SORL1: variants seen among roughly 807,000 people sequenced by gnomAD.
The protein encoded by SORL1 is sortilin related receptor 1.
A neutral mutation model predicts 273.7 loss-of-function variants in SORL1; 127 were observed. The observed-to-expected ratio is 0.46, with a 90% CI of 0.40 to 0.54. The LOEUF (loss-of-function observed/expected upper bound fraction) is 0.54. Among genes scored for constraint, SORL1 ranks in the 20% least tolerant of loss-of-function variants. The pLI, the probability that SORL1 is intolerant of heterozygous loss-of-function variation, is 0.00. For synonymous variants in SORL1, 1,031 were observed against 1,067.4 expected, an observed-to-expected ratio of 0.97 and a Z score of 0.66; for missense variants, 2,494 against 2,846.1, an observed-to-expected ratio of 0.88 and a Z score of 2.81.
chr11:121,566,243 C>T (rs1464878520), intron 21 of SORL1, among the ~76,000 whole-genome samples: 1 of 151,354 alleles, frequency 6.6e-6, no homozygotes, highest in Non-Finnish European at 1.5e-5. Context: ...GGCCTCTTCT[C>T]TCTGTAAGCC....
At chr11:121,555,871 TTGTC>T (rs3837400) in intron 18 of SORL1, among the ~76,000 whole-genome samples, 4,537 of 152,236 alleles carry the variant, frequency 0.03, 93 homozygotes, top group East Asian at 0.08. Flanking sequence ...TGCCAAATCT[TTGTC>T]TGGGGGAATG....
intron 31 of SORL1, among the ~76,000 whole-genome samples, chr11:121,592,874 A>G (rs1863236884): frequency 6.6e-6 from 1 of 152,266 alleles, no homozygotes; most frequent in African/African-American, 2.4e-5. Flanking sequence ...CCAGGACATT[A>G]ATAGACTCTA....
At position 121,586,240 on chromosome 11, in the gene SORL1, T is replaced by G; in HGVS notation, c.3725T>G (p.Phe1242Cys). Residue 1242 changes from phenylalanine (F) to cysteine (C), a missense_variant, in exon 27 of 48, where the codon TTC becomes TGC. By Grantham distance (205) the Phe-to-Cys change is radical. Around this residue, in one of 3 missense-constraint regions of SORL1, gnomAD observed 1,609 missense variants for 1,816.4 expected, o/e 0.89. Coordinates refer to ENST00000260197, the MANE Select transcript of SORL1 (RefSeq NM_003105.6). The part of the protein sequence containing the change: ...PVNCEKKCNG[F>C]RCPNGTCIPS... ...ATTTCAGAGAAGAAGTGCAATGGAT[T>G]CCGCTGCCCAAACGGCACTTGCATC... is the stretch of plus-strand genomic sequence containing the variant. The G allele has an allele frequency of 6.2e-7, 1 of 1,613,670 alleles. No individual in the cohort carries two copies. Among genetic ancestry groups the G allele is most frequent in the Non-Finnish European group, 8.5e-7 (1 of 1,179,578 alleles).
At chr11:121,494,678 A>G (rs918578123) in intron 5 of SORL1, among the ~76,000 whole-genome samples, 2 of 152,218 alleles carry the variant, frequency 1.3e-5, no homozygotes, top group Admixed American at 1.3e-4. Flanking sequence ...GCTTGCAGAA[A>G]TGGGAGGTCC....
intron 12 of SORL1, among the ~76,000 whole-genome samples, chr11:121,534,046 A>C (rs1196600885): frequency 6.6e-6 from 1 of 152,246 alleles, no homozygotes; most frequent in Non-Finnish European, 1.5e-5. Flanking sequence ...CGATTGTGCC[A>C]GATGCTGTGT....
Position 121,632,158 on chromosome 11 carries a change from C to G in SORL1, c.*2595C>G, listed in dbSNP as rs1400045913. 1 of 152,178 alleles carries G rather than the reference C, an allele frequency of 6.6e-6. No individual in the cohort carries two copies. The highest frequency in any genetic ancestry group is 1.9e-4 in the East Asian group (1 of 5,196). The allele number at this position is 152,178 out of a possible 1,614,324, so 9.4% of individuals were successfully genotyped here. ...GTGCAGGAAAAAGGTTTTATTCTCTCCTGGCATACATTAGAATGTCAGATG... is the reference window on the plus strand; with the variant it reads ...GTGCAGGAAAAAGGTTTTATTCTCTGCTGGCATACATTAGAATGTCAGATG... On this transcript the variant is annotated 3_prime_UTR_variant, in exon 48 of 48. Transcript: ENST00000260197.
At chr11:121,568,248 C>CACAAT (rs1439482995) in intron 22 of SORL1, among the ~76,000 whole-genome samples, 1 of 152,184 alleles carries the variant, frequency 6.6e-6, no homozygotes, top group African/African-American at 2.4e-5. Context: ...CAGTGAAACA[C>CACAAT]ACAATACAAG....
intron 1 of SORL1, among the ~76,000 whole-genome samples, chr11:121,466,431 G>T (rs1306094931): frequency 6.6e-6 from 1 of 152,190 alleles, no homozygotes; most frequent in African/African-American, 2.4e-5. Context: ...ATTAAGTAAA[G>T]GGATCTAGGG....
chr11:121,605,335 G>A (rs878961582), intron 34 of SORL1, 67 bp from the exon 35 acceptor site: 22 of 1,576,588 alleles, frequency 1.4e-5, no homozygotes, highest in African/African-American at 1.4e-4. Context: ...TGCTATTAAC[G>A]GAGTCAGACA....
Position 121,589,306 on chromosome 11 carries a change from T to G in SORL1, c.3994T>G (p.Cys1332Gly), listed in dbSNP as rs1591341264. 1 of 1,613,832 alleles carries G rather than the reference T, an allele frequency of 6.2e-7. No individual in the cohort carries two copies. The highest frequency in any genetic ancestry group is 8.5e-7 in the Non-Finnish European group (1 of 1,179,690). ...GGTATGTGATGAGTTCGGTTTCCAG[T>G]GTCAGAATGGAGTGTGCATCAGTTT... ...HKVCDEFGFQ[C>G]QNGVCISLIW... is the part of the protein sequence containing the mutation. Residue 1332 changes from cysteine to glycine, a missense_variant, in exon 29 of 48, where the codon TGT becomes GGT. Cys to Gly is a radical substitution (Grantham distance 159). Around this residue, in one of 3 missense-constraint regions of SORL1, gnomAD observed 1,609 missense variants for 1,816.4 expected, o/e 0.89. Transcript: ENST00000260197.
chr11:121,589,174 T>C, intron 28 of SORL1, 85 bp from the exon 29 acceptor site: 1 of 1,489,168 alleles, frequency 6.7e-7, no homozygotes, highest in Non-Finnish European at 9.3e-7. Flanking sequence ...TCACTGCTGT[T>C]CCCCCTTGCT....
chr11:121,510,696 C>T (rs1861864171), intron 6 of SORL1, among the ~76,000 whole-genome samples: 1 of 152,158 alleles, frequency 6.6e-6, no homozygotes, highest in Non-Finnish European at 1.5e-5. Flanking sequence ...TGGGTGGTGT[C>T]AGAGTCCCAC....
chr11:121,606,540 C>A (rs541702891), intron 35 of SORL1, among the ~76,000 whole-genome samples: 1 of 152,308 alleles, frequency 6.6e-6, no homozygotes, highest in Admixed American at 6.5e-5. Flanking sequence ...AAGATCTCAG[C>A]ATGGAAGTCT....
chr11:121,544,556 A>T (rs979135941), intron 13 of SORL1, among the ~76,000 whole-genome samples: 1 of 152,192 alleles, frequency 6.6e-6, no homozygotes, highest in Non-Finnish European at 1.5e-5. Context: ...GAGTTTAATA[A>T]GTTTACTGAT....
chr11:121,620,207 G>T (rs1863703720), intron 43 of SORL1, among the ~76,000 whole-genome samples: 1 of 152,180 alleles, frequency 6.6e-6, no homozygotes, highest in Admixed American at 6.5e-5. Context: ...GCAAACAAAG[G>T]CCTGCAGGCC....
intron 3 of SORL1, among the ~76,000 whole-genome samples, chr11:121,480,466 C>T (rs1199135753): frequency 6.6e-6 from 1 of 152,078 alleles, no homozygotes; most frequent in Admixed American, 6.5e-5. Flanking sequence ...CACATTGTCT[C>T]AGAGCTCACT....
Position 121,543,701 on chromosome 11 carries a change from C to G in SORL1, c.1839C>G (p.Leu613=), listed in dbSNP as rs763501327. ...NKENVHSWLI[L]QVNATDALGV... ...AGAATGTCCACAGCTGGCTGATCCT[C>G]CAGGTCAATGCCACGGATGCCTTGG... The change falls in exon 13 of 48, where the codon CTC becomes CTG. Residue 613 remains leucine, a synonymous_variant. Coordinates refer to ENST00000260197, the MANE Select transcript of SORL1 (RefSeq NM_003105.6). The G allele has an allele frequency of 6.2e-7, 1 of 1,613,572 alleles. No homozygotes were observed. The highest frequency in any genetic ancestry group is 1.7e-5 in the Admixed American group (1 of 60,028).
intron 30 of SORL1, chr11:121,590,623 C>T: frequency 1.7e-6 from 1 of 598,592 alleles, no homozygotes; most frequent in Non-Finnish European, 3.0e-6. Flanking sequence ...ATCTCTGAAC[C>T]AGGTCGTGGA....
At chr11:121,505,733 A>G (rs955714339) in intron 6 of SORL1, among the ~76,000 whole-genome samples, 3 of 152,088 alleles carry the variant, frequency 2.0e-5, no homozygotes, top group East Asian at 1.9e-4. Flanking sequence ...TTTAATTTCA[A>G]TATATTTGTG....
Sources: allele counts gnomAD v4.1 joint callset (sites outside exome capture counted in the v4.1 genomes callset), GRCh38; gene constraint gnomAD v4.1.1; regional missense constraint gnomAD v4.1.1; transcripts MANE v1.5; gene names NCBI Gene and HGNC (gene_info 2026-07-23, HGNC 2026-07-21).